The following CUX1 variants were observed in gnomAD, a reference collection of about 807,000 sequenced individuals.
CUX1 encodes the protein protein CASP.
Under a neutral mutation model 158.8 loss-of-function variants are expected in CUX1, and 31 were observed. The ratio of observed to expected loss-of-function variants is 0.20; its 90% confidence interval spans 0.15 to 0.26. The LOEUF (loss-of-function observed/expected upper bound fraction) is 0.26. CUX1 is among the 10% of genes least tolerant of loss of function. The pLI, the probability that CUX1 is intolerant of heterozygous loss-of-function variation, is 1.00. For missense variants in CUX1, 1,589 were observed against 2,014.6 expected (o/e 0.79, Z 4.04); for synonymous variants, 879 against 862.1 (o/e 1.02, Z -0.34).
At chr7:101,848,051 CAAAAAAAA>C (rs57428019) in intron 1 of CUX1, among the ~76,000 whole-genome samples, 3 of 65,374 alleles carry the variant, frequency 4.6e-5, no homozygotes, top group South Asian at 6.0e-4. Context: ...GAGCAAGACT[CAAAAAAAA>C]AAAAAAAAAA....
Position 102,189,676 on chromosome 7 carries a change from C to T in CUX1, c.1018-137C>T, listed in dbSNP as rs1300717772. ...GAGCGTGAGGGACAAAAGATGGCCC[C>T]AGCACCGTTGACTCCATTCGCAAGG... On this transcript the variant is annotated intron_variant, in intron 11 of 23. Transcript: ENST00000292535. 5.7e-6 allele frequency: 5 copies of T among 873,614 alleles called. No individual in the cohort carries two copies. The East Asian group carries it at 1.3e-4, about 22-fold the overall frequency. 54.1% of individuals were successfully genotyped at this position (873,614 alleles called of 1,614,324 possible). A position where few individuals can be genotyped will look rare whatever the true frequency, so the allele number is the denominator to read the frequency against.
intron 1 of CUX1, among the ~76,000 whole-genome samples, chr7:101,875,272 C>A (rs1204819910): frequency 1.3e-5 from 2 of 152,128 alleles, no homozygotes; most frequent in Non-Finnish European, 2.9e-5. Context: ...ACATGCCAGG[C>A]CTTCAGTGGG....
chr7:101,872,123 ATATTT>A (rs909199237), intron 1 of CUX1, among the ~76,000 whole-genome samples: 1 of 151,788 alleles, frequency 6.6e-6, no homozygotes, highest in African/African-American at 2.4e-5. Context: ...ACATAGAAGG[ATATTT>A]TATTTATTTG....
chr7:102,201,266 C>A lies in CUX1; in HGVS notation c.2063-94C>A, dbSNP rs1293109226. On this transcript the variant is annotated intron_variant, in intron 17 of 23. Coordinates refer to ENST00000292535, the MANE Select transcript of CUX1 (RefSeq NM_181552.4). This position sits in a 1 kb window ranked among gnomAD's most constrained non-coding sequence, Gnocchi z 5.0. ...ACACAGTGTGGTTCTCCCAAATAAC[C>A]CACACTTTGCAGTAGGTCAAGTTAG... 2 of 1,526,166 alleles carry A rather than the reference C, an allele frequency of 1.3e-6. No individual in the cohort carries two copies. Among genetic ancestry groups the A allele is most frequent in the African/African-American group, 1.4e-5 (1 of 73,022 alleles). The allele number at this position is 1,526,166 out of a possible 1,614,324, so 94.5% of individuals were successfully genotyped here.
At chr7:102,119,647 A>T (rs925366119) in intron 8 of CUX1, among the ~76,000 whole-genome samples, 1 of 152,188 alleles carries the variant, frequency 6.6e-6, no homozygotes, top group Non-Finnish European at 1.5e-5. Context: ...GTGTAAGAGG[A>T]TTGCAAGGTT....
Position 102,251,717 on chromosome 7 carries a change from C to CA in CUX1, c.*2679dup. The CA allele has an allele frequency of 1.0e-6, 1 of 985,366 alleles. No homozygotes were observed. The highest frequency in any genetic ancestry group is 1.2e-6 in the Non-Finnish European group (1 of 829,920). 61.0% of individuals were successfully genotyped at this position (985,366 alleles called of 1,614,324 possible). A position where few individuals can be genotyped will look rare whatever the true frequency, so the allele number is the denominator to read the frequency against. On this transcript the variant is annotated 3_prime_UTR_variant, in exon 24 of 24. Transcript: ENST00000292535. Reference sequence around the variant, plus strand: ...CCTGACGACTGTGGTGTCCTCTCCACAAAACCCTCAAGGGACTTTTGTCAT... The same window carrying CA: ...CCTGACGACTGTGGTGTCCTCTCCACAAAAACCCTCAAGGGACTTTTGTCAT...
At chr7:101,892,670 G>T (rs1203272451) in intron 1 of CUX1, among the ~76,000 whole-genome samples, 6 of 152,160 alleles carry the variant, frequency 3.9e-5, no homozygotes. Context: ...GCTCGAGTCA[G>T]TGAAAATTGG....
chr7:102,103,985 T>C (rs1830069061), intron 5 of CUX1, among the ~76,000 whole-genome samples: 1 of 152,118 alleles, frequency 6.6e-6, no homozygotes, highest in Non-Finnish European at 1.5e-5. Context: ...TTATTAATCA[T>C]CCCTCAGTTA....
chr7:102,013,789 C>T (rs1343032246), intron 2 of CUX1, among the ~76,000 whole-genome samples: 5 of 152,252 alleles, frequency 3.3e-5, no homozygotes, highest in African/African-American at 1.2e-4. Context: ...ACTGCACCCT[C>T]GACCTCTCTG....
At chr7:101,833,667 G>C (rs1439748416) in intron 1 of CUX1, among the ~76,000 whole-genome samples, 2 of 151,750 alleles carry the variant, frequency 1.3e-5, no homozygotes, top group Non-Finnish European at 2.9e-5. Flanking sequence ...ATGGATGTCA[G>C]GTTAAAAACC....
rs1037262813 is a variant in CUX1, at chr7:101,840,906, T to A, written c.30+23237T>A. ...TTTTATTTTATTATTATTATTATTT[T>A]TTTTTGAGACGGAGTCTTGCTCTAT... On this transcript the variant is annotated intron_variant, in intron 1 of 23. Coordinates refer to ENST00000292535, the MANE Select transcript of CUX1 (RefSeq NM_181552.4). Among the ~76,000 whole-genome samples, 51 of 151,956 alleles carry A rather than the reference T, an allele frequency of 3.4e-4. 1 individual carries two copies. Among genetic ancestry groups the A allele is most frequent in the African/African-American group, 1.2e-3 (49 of 41,524 alleles).
At chr7:101,892,467 G>A (rs550778666) in intron 1 of CUX1, among the ~76,000 whole-genome samples, 2 of 152,096 alleles carry the variant, frequency 1.3e-5, no homozygotes, top group Non-Finnish European at 2.9e-5. Flanking sequence ...AGACATCCAG[G>A]ACAGAAATTG....
At chr7:101,985,832 C>T (rs944833345) in intron 2 of CUX1, among the ~76,000 whole-genome samples, 12 of 152,174 alleles carry the variant, frequency 7.9e-5, no homozygotes, top group African/African-American at 1.4e-4. Context: ...TGATTCTTGA[C>T]GTTACAAAAG....
intron 6 of CUX1, among the ~76,000 whole-genome samples, chr7:102,111,089 A>G (rs1250450913): frequency 6.6e-6 from 1 of 151,224 alleles, no homozygotes; most frequent in Non-Finnish European, 1.5e-5. Context: ...TAATCAACTT[A>G]TTTTTGGAGG....
chr7:101,977,247 C>T (rs1009967391), intron 2 of CUX1, among the ~76,000 whole-genome samples: 1 of 152,022 alleles, frequency 6.6e-6, no homozygotes, highest in African/African-American at 2.4e-5. Flanking sequence ...TTTATCTCTC[C>T]ACTCCCGAAG....
At chr7:102,233,899 T>A (rs1160482254) in intron 21 of CUX1, among the ~76,000 whole-genome samples, 153 bp from the exon 22 acceptor site, 1 of 152,202 alleles carries the variant, frequency 6.6e-6, no homozygotes, top group Admixed American at 6.5e-5. Context: ...TGAAGATATA[T>A]TTCTACCACA....
At chr7:101,990,362 TTTTGTTTG>T (rs139077977) in intron 2 of CUX1, among the ~76,000 whole-genome samples, 4,745 of 150,572 alleles carry the variant, frequency 0.032, 205 homozygotes, top group East Asian at 0.15. Flanking sequence ...ACCCCATCTC[TTTTGTTTG>T]TTTGTTTGTT....
At chr7:102,045,979 C>T (rs940474810) in intron 3 of CUX1, among the ~76,000 whole-genome samples, 1 of 152,124 alleles carries the variant, frequency 6.6e-6, no homozygotes, top group African/African-American at 2.4e-5. Context: ...TCTCCCAGTG[C>T]CTGGGATGTA....
At chr7:102,130,145 C>T (rs939276643) in intron 8 of CUX1, among the ~76,000 whole-genome samples, 1 of 152,138 alleles carries the variant, frequency 6.6e-6, no homozygotes, top group Non-Finnish European at 1.5e-5. Flanking sequence ...CATATTTCCT[C>T]GCCACCTCTC....
Sources: gnomAD v4.1 joint callset for allele counts (sites outside exome capture counted in the v4.1 genomes callset) on GRCh38, gnomAD v4.1.1 for gene constraint, Gnocchi (gnomAD v3.1) non-coding constraint, MANE v1.5 for transcripts, NCBI Gene and HGNC (gene_info 2026-07-23, HGNC 2026-07-21) for gene names.